The following SHOC2 variants were observed in gnomAD, a reference collection of about 807,000 sequenced individuals.
The protein encoded by SHOC2 is SHOC2 leucine rich repeat scaffold protein, also known as leucine-rich repeat protein SHOC-2.
Under a neutral mutation model 50.2 loss-of-function variants are expected in SHOC2, and 4 were observed. The ratio of observed to expected loss-of-function variants is 0.08; its 90% confidence interval spans 0.04 to 0.18. The LOEUF is 0.18. Ranked by LOEUF, SHOC2 falls within the 10% of genes least tolerant of loss-of-function variation. The probability of loss-of-function intolerance (pLI) is 1.00; values close to 1 mark genes in which losing one functional copy is unlikely to be tolerated. For missense variants in SHOC2, 388 were observed against 669.6 expected (o/e 0.58, Z 4.64); for synonymous variants, 218 against 244.5 (o/e 0.89, Z 1.01).
intron 3 of SHOC2, among the ~76,000 whole-genome samples, chr10:110,997,051 T>A (rs541696088): frequency 6.6e-6 from 1 of 152,222 alleles, no homozygotes. Context: ...TGGCAAATGG[T>A]GTATACTGTT....
At chr10:110,925,686 A>G (rs1399519602) in intron 1 of SHOC2, among the ~76,000 whole-genome samples, 1 of 152,140 alleles carries the variant, frequency 6.6e-6, no homozygotes, top group East Asian at 1.9e-4. Context: ...CAAACTCCTG[A>G]GCTCAAACAA....
intron 3 of SHOC2, among the ~76,000 whole-genome samples, chr10:110,993,038 A>G (rs1036279686): frequency 6.6e-6 from 1 of 152,176 alleles, no homozygotes; most frequent in Non-Finnish European, 1.5e-5. Flanking sequence ...TAGCCATTTG[A>G]TTTCACCATA....
intron 2 of SHOC2, among the ~76,000 whole-genome samples, chr10:110,984,992 A>G (rs935123449): frequency 6.6e-6 from 1 of 152,164 alleles, no homozygotes; most frequent in Non-Finnish European, 1.5e-5. Context: ...CCTCCTAGAT[A>G]CTATAGGCAT....
At chr10:110,955,828 A>G (rs1258673913) in intron 1 of SHOC2, among the ~76,000 whole-genome samples, 1 of 152,330 alleles carries the variant, frequency 6.6e-6, no homozygotes, top group East Asian at 1.9e-4. Flanking sequence ...CTGATATTAC[A>G]ATGTTCATTC....
At chr10:110,962,114 A>G (rs73343895) in intron 1 of SHOC2, among the ~76,000 whole-genome samples, 3,214 of 151,828 alleles carry the variant, frequency 0.021, 117 homozygotes, top group African/African-American at 0.072. Flanking sequence ...TTTCTTTCCA[A>G]GTTTTCTTAC....
intron 4 of SHOC2, among the ~76,000 whole-genome samples, chr10:111,003,598 A>G (rs1283591391): frequency 6.6e-6 from 1 of 152,208 alleles, no homozygotes; most frequent in African/African-American, 2.4e-5. Context: ...TAACTTGCCA[A>G]AGTCACAAGC....
intron 2 of SHOC2, among the ~76,000 whole-genome samples, chr10:110,983,043 T>C (rs928482402): frequency 6.6e-6 from 1 of 152,178 alleles, no homozygotes; most frequent in Non-Finnish European, 1.5e-5. Context: ...TTCATCTTGA[T>C]TGAGTTTTGG....
At chr10:110,926,358 C>G (rs1420407682) in intron 1 of SHOC2, among the ~76,000 whole-genome samples, 1 of 152,106 alleles carries the variant, frequency 6.6e-6, no homozygotes, top group Admixed American at 6.5e-5. Flanking sequence ...ACAAACTGAA[C>G]AGGCCCAAAG....
At chr10:111,001,107 A>G (rs966631417) in intron 4 of SHOC2, among the ~76,000 whole-genome samples, 2 of 151,900 alleles carry the variant, frequency 1.3e-5, no homozygotes, top group African/African-American at 2.4e-5. Context: ...TTCTATTAGA[A>G]AAATATTTTC....
chr10:110,995,399 A>C (rs1848252178), intron 3 of SHOC2, among the ~76,000 whole-genome samples: 1 of 152,222 alleles, frequency 6.6e-6, no homozygotes, highest in South Asian at 2.1e-4. Flanking sequence ...TCAATGAACA[A>C]ATGCATTGGA....
chr10:110,933,110 T>G (rs188742545), intron 1 of SHOC2, among the ~76,000 whole-genome samples: 1 of 152,172 alleles, frequency 6.6e-6, no homozygotes, highest in Non-Finnish European at 1.5e-5. Context: ...TATAGATCTT[T>G]TATGCATTCA....
intron 1 of SHOC2, among the ~76,000 whole-genome samples, chr10:110,959,650 T>C (rs918183177): frequency 5.9e-5 from 9 of 152,242 alleles, no homozygotes. Flanking sequence ...ACCACAGATA[T>C]TTATTTTGTT....
chr10:110,940,365 C>T (rs1847111346), intron 1 of SHOC2, among the ~76,000 whole-genome samples: 1 of 152,076 alleles, frequency 6.6e-6, no homozygotes, highest in Admixed American at 6.5e-5. Context: ...TCTCACATAC[C>T]TTTATATTTC....
At chr10:110,975,455 T>A (rs1215648381) in intron 2 of SHOC2, among the ~76,000 whole-genome samples, 1 of 152,224 alleles carries the variant, frequency 6.6e-6, no homozygotes. Context: ...GTTACATTTT[T>A]AATAGTCATG....
At chr10:111,009,949 AG>A in intron 8 of SHOC2, 119 bp downstream of exon 8, 1 of 696,454 alleles carries the variant, frequency 1.4e-6, no homozygotes, top group Non-Finnish European at 2.5e-6. Context: ...ATCAGGCTTA[AG>A]ATTTTTTTTT....
chr10:110,975,349 G>T (rs1847856520), intron 2 of SHOC2, among the ~76,000 whole-genome samples: 1 of 151,998 alleles, frequency 6.6e-6, no homozygotes, highest in African/African-American at 2.4e-5. Flanking sequence ...TAAAGACGGG[G>T]TTTCACCGTG....
At chr10:111,006,118 A>T (rs971762846) in intron 5 of SHOC2, among the ~76,000 whole-genome samples, 3 of 152,246 alleles carry the variant, frequency 2.0e-5, no homozygotes, top group Non-Finnish European at 4.4e-5. Context: ...TCAGGTGTTC[A>T]TTAGTTTATG....
rs763609478 is a variant in SHOC2 at position 111,004,569 on chromosome 10, A to G, written c.973-37A>G. 2.0e-6 allele frequency: 3 copies of G among 1,468,818 alleles called. No homozygotes were observed. The East Asian group carries it at 6.8e-5, about 33-fold the overall frequency. 91.0% of individuals were successfully genotyped at this position (1,468,818 alleles called of 1,614,324 possible). On this transcript the variant is annotated intron_variant, in intron 4 of 8. Transcript: ENST00000369452. ...TTCTATAAAAAATGAGTCTCATCAC[A>G]GTTCTAATTCTTATGTTTATTTCAT... is the stretch of plus-strand genomic sequence containing the variant.
intron 6 of SHOC2, among the ~76,000 whole-genome samples, chr10:111,008,424 AAAGCT>A (rs1307993936): frequency 6.6e-6 from 1 of 151,882 alleles, no homozygotes; most frequent in Non-Finnish European, 1.5e-5. Context: ...GAAGTCAAAC[AAAGCT>A]GAGTGTAATT....
Sources: allele counts gnomAD v4.1 joint callset (sites outside exome capture counted in the v4.1 genomes callset), GRCh38; gene constraint gnomAD v4.1.1; transcripts MANE v1.5; gene names NCBI Gene and HGNC (gene_info 2026-07-23, HGNC 2026-07-21).